Variants in NOX4 observed in about 807,000 individuals in gnomAD.
NOX4 encodes the protein kidney oxidase-1.
A neutral mutation model predicts 87.6 loss-of-function variants in NOX4; 69 were observed. That is an observed-to-expected ratio of 0.79 (90% confidence interval 0.65 to 0.96). NOX4 has a LOEUF of 0.96. Ranked by LOEUF, NOX4 falls within the 40% of genes least tolerant of loss-of-function variation. NOX4 has a pLI of 0.00. For synonymous variants in NOX4, 275 were observed against 238.2 expected, an observed-to-expected ratio of 1.15 and a Z score of -1.42; for missense variants, 680 against 681.5, an observed-to-expected ratio of 1.00 and a Z score of 0.02.
upstream of NOX4, among the ~76,000 whole-genome samples, chr11:89,500,459 C>T (rs1016576410): frequency 3.3e-5 from 5 of 152,150 alleles, no homozygotes; most frequent in South Asian, 2.1e-4. Context: ...CATCATTCTG[C>T]TCTTCTTTCA....
chr11:89,351,503 G>A (rs1232619126), intron 13 of NOX4, among the ~76,000 whole-genome samples: 1 of 152,108 alleles, frequency 6.6e-6, no homozygotes, highest in Non-Finnish European at 1.5e-5. Context: ...CGCCATCTAC[G>A]GTATTCACAG....
intron 2 of NOX4, among the ~76,000 whole-genome samples, chr11:89,462,507 T>G (rs1337839471): frequency 2.6e-5 from 4 of 152,096 alleles, no homozygotes; most frequent in Non-Finnish European, 5.9e-5. Flanking sequence ...TGTGTATAGA[T>G]AGATAAACTG....
At chr11:89,353,991 T>C (rs1199874593) in intron 13 of NOX4, among the ~76,000 whole-genome samples, 1 of 152,212 alleles carries the variant, frequency 6.6e-6, no homozygotes, top group East Asian at 1.9e-4. Context: ...ACAAGCAGTA[T>C]AATTAGGATT....
chr11:89,466,689 CATTA>C (rs559998454), intron 2 of NOX4, among the ~76,000 whole-genome samples: 123 of 152,202 alleles, frequency 8.1e-4, no homozygotes, highest in African/African-American at 2.8e-3. Context: ...AGAGGAAATA[CATTA>C]ATCAAATAAC....
At chr11:89,425,420 A>T (rs560662910) in intron 7 of NOX4, among the ~76,000 whole-genome samples, 1 of 151,444 alleles carries the variant, frequency 6.6e-6, no homozygotes, top group South Asian at 2.1e-4. Flanking sequence ...AAAAAAAAAA[A>T]AAAACAAAAC....
At chr11:89,570,479 T>G in the NOX4 span, among the ~76,000 whole-genome samples, 1 of 152,168 alleles carries the variant, frequency 6.6e-6, no homozygotes, top group East Asian at 1.9e-4. Flanking sequence ...AACCTGTATA[T>G]GTACCCCTCG....
intron 12 of NOX4, among the ~76,000 whole-genome samples, chr11:89,369,492 C>T (rs1163467109): frequency 6.6e-6 from 1 of 152,084 alleles, no homozygotes; most frequent in African/African-American, 2.4e-5. Flanking sequence ...GTCTGGAACA[C>T]AGTAGCTGTT....
At chr11:89,586,990 TG>T in the NOX4 span, among the ~76,000 whole-genome samples, 1 of 152,026 alleles carries the variant, frequency 6.6e-6, no homozygotes, top group Non-Finnish European at 1.5e-5. Flanking sequence ...TCTTAGAAAA[TG>T]GAGAGATTTT....
intron 12 of NOX4, among the ~76,000 whole-genome samples, chr11:89,368,291 G>A (rs1217204647): frequency 6.6e-6 from 1 of 152,004 alleles, no homozygotes; most frequent in Non-Finnish European, 1.5e-5. Context: ...TAATAGCCAG[G>A]TCTAATGATA....
chr11:89,450,171 C>A (rs372336115), intron 3 of NOX4, among the ~76,000 whole-genome samples: 2 of 152,088 alleles, frequency 1.3e-5, no homozygotes, highest in African/African-American at 4.8e-5. Flanking sequence ...CAAGCCAAAC[C>A]AATAGCCAAC....
the NOX4 span, among the ~76,000 whole-genome samples, chr11:89,582,680 G>T: frequency 6.6e-6 from 1 of 152,150 alleles, no homozygotes; most frequent in Non-Finnish European, 1.5e-5. Context: ...GGCTTATTTT[G>T]CTTCTCCAGG....
upstream of NOX4, among the ~76,000 whole-genome samples, chr11:89,494,408 CTACA>C (rs1946924850): frequency 6.6e-6 from 1 of 152,146 alleles, no homozygotes; most frequent in African/African-American, 2.4e-5. Flanking sequence ...AATACTCTTT[CTACA>C]TAATCATTAC....
intron 15 of NOX4, among the ~76,000 whole-genome samples, chr11:89,338,483 T>G (rs913088558): frequency 6.6e-6 from 1 of 152,136 alleles, no homozygotes; most frequent in African/African-American, 2.4e-5. Flanking sequence ...TTGCCTGCTT[T>G]TAATTCTTCT....
At chr11:89,521,620 G>GA in the NOX4 span, among the ~76,000 whole-genome samples, 542 of 147,760 alleles carry the variant, frequency 3.7e-3, 4 homozygotes, top group African/African-American at 0.012. Flanking sequence ...ATCAGCCTTG[G>GA]AAAAAAAAAA....
At chr11:89,479,656 A>G (rs1172985211) in intron 2 of NOX4, among the ~76,000 whole-genome samples, 1 of 152,162 alleles carries the variant, frequency 6.6e-6, no homozygotes, top group Non-Finnish European at 1.5e-5. Context: ...TTCCATTTAG[A>G]GATGAGAGCC....
Position 89,491,180 on chromosome 11 carries a change from G to A in NOX4, c.57+10C>T, listed in dbSNP as rs1193739965. The A allele has an allele frequency of 1.9e-6, 3 of 1,612,868 alleles. No individual in the cohort carries two copies. Among genetic ancestry groups the A allele is most frequent in the Non-Finnish European group, 2.5e-6 (3 of 1,179,160 alleles). On this transcript the variant is annotated intron_variant, in intron 1 of 17. Transcript: ENST00000263317. ...AGAGAACGCAAGGAGAGCCTAGCCC[G>A]CCATCCTACCAGGCAGAGGTGTTTA...
At chr11:89,372,819 T>C (rs1939543960) in intron 12 of NOX4, among the ~76,000 whole-genome samples, 1 of 152,034 alleles carries the variant, frequency 6.6e-6, no homozygotes, top group African/African-American at 2.4e-5. Flanking sequence ...TACTGAGTAC[T>C]CACTTGTCAG....
the NOX4 span, among the ~76,000 whole-genome samples, chr11:89,556,089 C>T: frequency 6.6e-6 from 1 of 152,148 alleles, no homozygotes; most frequent in Non-Finnish European, 1.5e-5. Context: ...CAAGAGCTTA[C>T]ATCTCTAATC....
rs183134188 is a variant in NOX4, at chr11:89,450,962, G to A, written c.264+823C>T. Among the ~76,000 whole-genome samples the A allele has an allele frequency of 8.3e-3, 1,255 of 150,374 alleles. 23 individuals are homozygous for A. Among genetic ancestry groups the A allele is most frequent in the Middle Eastern group, 0.051 (15 of 292 alleles). ...ATCATTCTTAGCAAACTATCACAAG[G>A]ACAGAAAACCAAACACCACATGTCC... On this transcript the variant is annotated intron_variant, in intron 3 of 17. Coordinates refer to ENST00000263317, the MANE Select transcript of NOX4 (RefSeq NM_016931.5).
Sources: gnomAD v4.1 joint callset for allele counts (sites outside exome capture counted in the v4.1 genomes callset) on GRCh38, gnomAD v4.1.1 for gene constraint, MANE v1.5 for transcripts, NCBI Gene and HGNC (gene_info 2026-07-23, HGNC 2026-07-21) for gene names.